Variants in NKAIN2 observed in about 807,000 individuals in gnomAD.
NKAIN2 encodes sodium/potassium-transporting ATPase subunit beta-1-interacting protein 2.
A neutral mutation model predicts 32.6 loss-of-function variants in NKAIN2; 14 were observed. The ratio of observed to expected loss-of-function variants is 0.43; its 90% confidence interval spans 0.28 to 0.67. The LOEUF (loss-of-function observed/expected upper bound fraction) is 0.67. Among genes scored for constraint, NKAIN2 ranks in the 30% least tolerant of loss-of-function variants. The probability of loss-of-function intolerance (pLI) is 0.17; values close to 1 mark genes in which losing one functional copy is unlikely to be tolerated. For synonymous variants in NKAIN2, 80 were observed against 87.2 expected, an observed-to-expected ratio of 0.92 and a Z score of 0.46; for missense variants, 198 against 258.3, an observed-to-expected ratio of 0.77 and a Z score of 1.60.
At chr6:124,427,350 C>A (rs538666160) in intron 3 of NKAIN2, among the ~76,000 whole-genome samples, 1 of 152,214 alleles carries the variant, frequency 6.6e-6, no homozygotes, top group South Asian at 2.1e-4. Flanking sequence ...CTGATATATA[C>A]AACATGGATA....
chr6:124,556,596 C>T (rs949502538), intron 3 of NKAIN2, among the ~76,000 whole-genome samples: 6 of 152,088 alleles, frequency 3.9e-5, no homozygotes, highest in Admixed American at 3.3e-4. Flanking sequence ...TCAGACTTCC[C>T]AGCCCCTAGA....
At chr6:124,054,392 C>T (rs1205017572) in intron 1 of NKAIN2, among the ~76,000 whole-genome samples, 1 of 152,016 alleles carries the variant, frequency 6.6e-6, no homozygotes, top group African/African-American at 2.4e-5. Flanking sequence ...ATCAGGACAG[C>T]ATTGAGAATT....
intron 3 of NKAIN2, among the ~76,000 whole-genome samples, chr6:124,382,863 GA>G (rs1415493577): frequency 1.3e-5 from 2 of 152,120 alleles, no homozygotes; most frequent in Non-Finnish European, 2.9e-5. Flanking sequence ...AAGAGAAGGA[GA>G]AACAAAATTA....
intron 2 of NKAIN2, among the ~76,000 whole-genome samples, chr6:124,308,223 C>T (rs772722169): frequency 2.7e-5 from 4 of 150,508 alleles, no homozygotes; most frequent in African/African-American, 9.9e-5. Context: ...CTTCCACTTA[C>T]GAGTGAGAAC....
chr6:124,153,258 C>T lies in NKAIN2; in HGVS notation c.55-129747C>T, dbSNP rs190368822. ...ATGTATCAAAATATCACATGCAACC[C>T]CAGAATGCATCAACTATCATATATC... On this transcript the variant is annotated intron_variant, in intron 1 of 6. Transcript: ENST00000368417. Among the ~76,000 whole-genome samples, 303 of 151,644 alleles carry T rather than the reference C, an allele frequency of 2.0e-3. 1 individual carries two copies. The highest frequency in any genetic ancestry group is 7.0e-3 in the African/African-American group (292 of 41,430).
At chr6:124,563,945 A>G (rs1583446073) in intron 3 of NKAIN2, among the ~76,000 whole-genome samples, 1 of 152,252 alleles carries the variant, frequency 6.6e-6, no homozygotes, top group Non-Finnish European at 1.5e-5. Flanking sequence ...ATGCCAGCAC[A>G]TAGGTCGCAT....
At chr6:124,762,782 C>G (rs1562369592) in intron 4 of NKAIN2, among the ~76,000 whole-genome samples, 1 of 152,130 alleles carries the variant, frequency 6.6e-6, no homozygotes, top group African/African-American at 2.4e-5. Flanking sequence ...GAGAATTGAT[C>G]TGGCTGGAAT....
intron 1 of NKAIN2, among the ~76,000 whole-genome samples, chr6:124,135,847 C>A (rs1157840914): frequency 6.6e-6 from 1 of 152,008 alleles, no homozygotes; most frequent in Admixed American, 6.6e-5. Flanking sequence ...AATAGTGACA[C>A]AACTTACCAA....
At position 124,172,232 on chromosome 6, in the gene NKAIN2, A is replaced by G. The variant is rs185298590; in HGVS notation, c.55-110773A>G. Among the ~76,000 whole-genome samples, 256 of 152,320 alleles carry G rather than the reference A, an allele frequency of 1.7e-3. 1 individual carries two copies. Among genetic ancestry groups the G allele is most frequent in the Middle Eastern group, 0.01 (3 of 294 alleles). On this transcript the variant is annotated intron_variant, in intron 1 of 6. Transcript: ENST00000368417. Reference sequence around the variant, plus strand: ...TTGCATGTTTTTAAAAAACTCTTTCATGGAATACATGACTGGCTTTTGAAG... The same window carrying G: ...TTGCATGTTTTTAAAAAACTCTTTCGTGGAATACATGACTGGCTTTTGAAG...
chr6:123,901,765 C>T (rs1203643228), intron 1 of NKAIN2, among the ~76,000 whole-genome samples: 1 of 152,054 alleles, frequency 6.6e-6, no homozygotes, highest in Non-Finnish European at 1.5e-5. Flanking sequence ...TTATGAACAA[C>T]AGACTGTTAT....
At chr6:124,787,689 G>GA (rs1161915869) in intron 4 of NKAIN2, among the ~76,000 whole-genome samples, 1 of 152,104 alleles carries the variant, frequency 6.6e-6, no homozygotes, top group Non-Finnish European at 1.5e-5. Flanking sequence ...TTGGACCCAT[G>GA]AAAAATGTTA....
chr6:124,595,760 C>T (rs1782062494), intron 3 of NKAIN2, among the ~76,000 whole-genome samples: 1 of 152,114 alleles, frequency 6.6e-6, no homozygotes, highest in African/African-American at 2.4e-5. Flanking sequence ...ATTCTCCACC[C>T]CTACAAATAT....
At chr6:124,521,464 C>T (rs902759835) in intron 3 of NKAIN2, among the ~76,000 whole-genome samples, 2 of 152,038 alleles carry the variant, frequency 1.3e-5, no homozygotes, top group South Asian at 2.1e-4. Flanking sequence ...TTTAAATGTT[C>T]CTGTGTCATC....
At chr6:124,756,356 C>G (rs150532555) in intron 4 of NKAIN2, among the ~76,000 whole-genome samples, 2 of 151,856 alleles carry the variant, frequency 1.3e-5, no homozygotes, top group Admixed American at 1.3e-4. Flanking sequence ...GAACCCATTT[C>G]GTTTTTGTTT....
intron 4 of NKAIN2, among the ~76,000 whole-genome samples, chr6:124,709,181 G>A (rs1324952948): frequency 1.4e-5 from 2 of 145,980 alleles, no homozygotes; most frequent in Admixed American, 6.9e-5. Flanking sequence ...GCATCCCAGG[G>A]ATGAAGCCCA....
intron 1 of NKAIN2, among the ~76,000 whole-genome samples, chr6:123,947,729 C>T (rs539960810): frequency 5.3e-5 from 8 of 152,248 alleles, no homozygotes; most frequent in African/African-American, 7.2e-5. Flanking sequence ...CCTATCATCT[C>T]GAGCATTTAT....
chr6:124,470,763 G>A (rs1776939492), intron 3 of NKAIN2, among the ~76,000 whole-genome samples: 1 of 152,002 alleles, frequency 6.6e-6, no homozygotes, highest in African/African-American at 2.4e-5. Flanking sequence ...AGACTAATGG[G>A]GAGATAGATG....
Position 124,662,936 on chromosome 6 carries a change from T to C in NKAIN2, c.474+4550T>C, listed in dbSNP as rs1490270089. Among the ~76,000 whole-genome samples the C allele has an allele frequency of 4.6e-5, 7 of 152,164 alleles. No homozygotes were observed. In the East Asian group the frequency reaches 9.6e-4, roughly 21 times the overall value. ...ATGTTAAATCTAAGTTGTGAACTTG[T>C]GTAGTTTGAAAGGGATGAGTGGGAA... On this transcript the variant is annotated intron_variant, in intron 4 of 6. Transcript: ENST00000368417.
chr6:124,153,024 G>A (rs113055679), intron 1 of NKAIN2, among the ~76,000 whole-genome samples: 4 of 151,832 alleles, frequency 2.6e-5, no homozygotes, highest in African/African-American at 7.2e-5. Flanking sequence ...AAGATGGGGA[G>A]AAGTTTGTTA....
Sources: allele counts gnomAD v4.1 joint callset (sites outside exome capture counted in the v4.1 genomes callset), GRCh38; gene constraint gnomAD v4.1.1; transcripts MANE v1.5; gene names NCBI Gene and HGNC (gene_info 2026-07-23, HGNC 2026-07-21).